CEP112: variants seen among roughly 807,000 people sequenced by gnomAD.
CEP112 encodes centrosomal protein of 112 kDa.
CEP112 carries 127 observed loss-of-function variants against 153.0 expected under a neutral mutation model. The ratio of observed to expected loss-of-function variants is 0.83; its 90% confidence interval spans 0.72 to 0.96. The LOEUF is 0.96. Among genes scored for constraint, CEP112 ranks in the 40% least tolerant of loss-of-function variants. The pLI, the probability that CEP112 is intolerant of heterozygous loss-of-function variation, is 0.00. For synonymous variants in CEP112, 358 were observed against 374.4 expected, an observed-to-expected ratio of 0.96 and a Z score of 0.51; for missense variants, 1,089 against 1,101.2, an observed-to-expected ratio of 0.99 and a Z score of 0.16.
intron 6 of CEP112, among the ~76,000 whole-genome samples, chr17:66,115,350 T>C (rs1489014200): frequency 1.3e-5 from 2 of 152,230 alleles, no homozygotes; most frequent in African/African-American, 4.8e-5. Context: ...TTTTGCTGCA[T>C]AACAGATCAT....
chr17:66,102,989 T>A (rs1295279900), intron 6 of CEP112, among the ~76,000 whole-genome samples: 2 of 151,866 alleles, frequency 1.3e-5, no homozygotes, highest in African/African-American at 4.8e-5. Context: ...TTTGGGAGGC[T>A]GAGCTGGGCA....
intron 18 of CEP112, among the ~76,000 whole-genome samples, chr17:65,959,855 C>T (rs969043555): frequency 2.6e-5 from 4 of 152,192 alleles, no homozygotes; most frequent in African/African-American, 9.7e-5. Flanking sequence ...CCTAACTCAC[C>T]CTTGGCAGGT....
chr17:65,769,753 T>C (rs1230642512), intron 21 of CEP112, among the ~76,000 whole-genome samples: 1 of 152,016 alleles, frequency 6.6e-6, no homozygotes, highest in Admixed American at 6.6e-5. Flanking sequence ...ACGCCATACA[T>C]AAAAATCAAC....
intron 21 of CEP112, among the ~76,000 whole-genome samples, chr17:65,847,786 A>G (rs1028272611): frequency 6.6e-6 from 1 of 152,232 alleles, no homozygotes; most frequent in Non-Finnish European, 1.5e-5. Context: ...TGGCATAGGT[A>G]GGCCAGACTT....
chr17:65,635,828 G>T lies in CEP112; in HGVS notation c.*143C>A. 2 of 812,422 alleles carry T rather than the reference G, an allele frequency of 2.5e-6. No homozygotes were observed. The highest frequency in any genetic ancestry group is 3.9e-6 in the Non-Finnish European group (2 of 506,626). The allele number at this position is 812,422 out of a possible 1,614,324, so 50.3% of individuals were successfully genotyped here. ...ACCACCCCACTAGTGTATGAATGATGCATGTTTTTATGATCTTAATTACAT... is the reference window on the plus strand; with the variant it reads ...ACCACCCCACTAGTGTATGAATGATTCATGTTTTTATGATCTTAATTACAT... On this transcript the variant is annotated 3_prime_UTR_variant, in exon 27 of 27. Coordinates refer to ENST00000535342, the MANE Select transcript of CEP112 (RefSeq NM_001199165.4).
intron 24 of CEP112, among the ~76,000 whole-genome samples, chr17:65,643,178 T>A (rs896402903): frequency 3.9e-5 from 6 of 152,238 alleles, no homozygotes; most frequent in African/African-American, 1.4e-4. Flanking sequence ...CCTTGGATCC[T>A]TGCTCATAGG....
chr17:65,827,664 G>A (rs1249569074), intron 21 of CEP112, among the ~76,000 whole-genome samples: 2 of 152,116 alleles, frequency 1.3e-5, no homozygotes, highest in Non-Finnish European at 2.9e-5. Flanking sequence ...AAAGTCATTG[G>A]AACAGCCTCA....
chr17:65,669,602 C>G lies in CEP112; in HGVS notation c.2697+19527G>C, dbSNP rs565428582. ...GACAATAGAAGAGATTGAGAAGCTG[C>G]TGTCTAAAAAAGAAGAAAAGGCCGG... On this transcript the variant is annotated intron_variant, in intron 24 of 26. Transcript: ENST00000535342. Among the ~76,000 whole-genome samples, 4 of 152,214 alleles carry G rather than the reference C, an allele frequency of 2.6e-5. No homozygotes were observed. The South Asian group carries it at 8.3e-4, about 32-fold the overall frequency.
chr17:65,644,831 T>C (rs1325738842), intron 24 of CEP112, among the ~76,000 whole-genome samples: 1 of 152,160 alleles, frequency 6.6e-6, no homozygotes, highest in Non-Finnish European at 1.5e-5. Flanking sequence ...GAGGATTACT[T>C]GAGCCCCTCA....
intron 24 of CEP112, among the ~76,000 whole-genome samples, chr17:65,674,900 C>T (rs1447877401): frequency 6.6e-6 from 1 of 152,170 alleles, no homozygotes; most frequent in Non-Finnish European, 1.5e-5. Flanking sequence ...AGCTCCAGAT[C>T]ATGGTTACGA....
intron 13 of CEP112, 147 bp downstream of exon 13, chr17:66,029,719 CAAA>C: frequency 1.7e-6 from 1 of 602,512 alleles, no homozygotes; most frequent in South Asian, 2.3e-5. Flanking sequence ...AACAAACAAA[CAAA>C]CAAACAAACA....
chr17:66,027,600 T>G (rs1283241792), intron 15 of CEP112, 40 bp from the exon 16 acceptor site: 2 of 1,133,182 alleles, frequency 1.8e-6, no homozygotes, highest in African/African-American at 3.3e-5. Context: ...TACTTTAAAT[T>G]ATACTAGAGT....
chr17:66,108,608 C>T (rs760106413), intron 6 of CEP112, among the ~76,000 whole-genome samples: 1 of 151,884 alleles, frequency 6.6e-6, no homozygotes, highest in Non-Finnish European at 1.5e-5. Flanking sequence ...AAAAGACAGG[C>T]AATAATAAAT....
intron 20 of CEP112, among the ~76,000 whole-genome samples, chr17:65,893,404 T>C (rs913146869): frequency 2.0e-5 from 3 of 152,168 alleles, no homozygotes; most frequent in Non-Finnish European, 1.5e-5. Context: ...GGAAGTCTAA[T>C]TGTGTATTGT....
intron 17 of CEP112, among the ~76,000 whole-genome samples, chr17:65,998,189 T>C (rs1464708591): frequency 6.6e-6 from 1 of 151,858 alleles, no homozygotes; most frequent in Non-Finnish European, 1.5e-5. Context: ...GAGACCAGCC[T>C]GGGCAAAATG....
chr17:66,063,910 A>G (rs1306499475), intron 10 of CEP112, among the ~76,000 whole-genome samples: 4 of 152,136 alleles, frequency 2.6e-5, no homozygotes, highest in East Asian at 1.9e-4. Context: ...ATGATCATCT[A>G]TCTACATAGA....
intron 13 of CEP112, 68 bp downstream of exon 13, chr17:66,029,801 G>A (rs2065384500): frequency 4.5e-6 from 6 of 1,330,928 alleles, no homozygotes; most frequent in Non-Finnish European, 6.1e-6. Context: ...AATTTTGGCA[G>A]ATAACTGATA....
chr17:65,796,811 C>A (rs1487104817), intron 21 of CEP112, among the ~76,000 whole-genome samples: 1 of 138,250 alleles, frequency 7.2e-6, no homozygotes, highest in Non-Finnish European at 1.5e-5. Flanking sequence ...GGTGGGTGGA[C>A]TGATTGAGTC....
chr17:65,659,750 C>T (rs2046251192), intron 24 of CEP112, among the ~76,000 whole-genome samples: 1 of 152,142 alleles, frequency 6.6e-6, no homozygotes, highest in Non-Finnish European at 1.5e-5. Flanking sequence ...AAGAAAAAAG[C>T]TTATACTTTT....
Sources: gnomAD v4.1 joint callset for allele counts (sites outside exome capture counted in the v4.1 genomes callset) on GRCh38, gnomAD v4.1.1 for gene constraint, MANE v1.5 for transcripts, NCBI Gene and HGNC (gene_info 2026-07-23, HGNC 2026-07-21) for gene names.